GPHN: variants seen among roughly 807,000 people sequenced by gnomAD.
GPHN encodes gephyrin.
In GPHN, 17 loss-of-function variants were observed where a neutral mutation model predicts 95.5. The observed-to-expected ratio is 0.18, with a 90% CI of 0.12 to 0.27. The LOEUF (loss-of-function observed/expected upper bound fraction) is 0.27, where lower values mean the gene tolerates loss of function less well. GPHN is among the 10% of genes least tolerant of loss of function. The pLI is 1.00. For synonymous variants in GPHN, 320 were observed against 322.5 expected, an observed-to-expected ratio of 0.99 and a Z score of 0.08; for missense variants, 660 against 978.1, an observed-to-expected ratio of 0.67 and a Z score of 4.34.
At chr14:67,428,014 C>T in the GPHN span, among the ~76,000 whole-genome samples, 7 of 151,880 alleles carry the variant, frequency 4.6e-5, no homozygotes, top group Non-Finnish European at 7.4e-5. Context: ...CTCTGCCTCC[C>T]GGGTTCAAGC....
At chr14:66,712,566 A>G (rs1595654386) in intron 2 of GPHN, among the ~76,000 whole-genome samples, 1 of 152,016 alleles carries the variant, frequency 6.6e-6, no homozygotes, top group Middle Eastern at 3.4e-3. Flanking sequence ...AATTGCAAAA[A>G]TTTTCTCCTG....
chr14:66,958,991 A>T (rs1158246137), intron 8 of GPHN, among the ~76,000 whole-genome samples: 1 of 151,964 alleles, frequency 6.6e-6, no homozygotes, highest in African/African-American at 2.4e-5. Flanking sequence ...ACTATTATTT[A>T]GTTATTGTGT....
chr14:67,210,779 G>A, the GPHN span, among the ~76,000 whole-genome samples: 5 of 152,144 alleles, frequency 3.3e-5, no homozygotes, highest in Admixed American at 6.5e-5. Context: ...TAGGGAGGCC[G>A]AGGGATGCAG....
At chr14:66,691,132 A>G (rs1038000392) in intron 2 of GPHN, among the ~76,000 whole-genome samples, 1 of 152,122 alleles carries the variant, frequency 6.6e-6, no homozygotes, top group Non-Finnish European at 1.5e-5. Context: ...AGTTGAGCCC[A>G]GTAATTTGAG....
In GPHN at chr14:66,739,877, TA is replaced by T. The variant is rs541413673; in HGVS notation, c.144-36579del. Among the ~76,000 whole-genome samples, 45 of 151,792 alleles carry T rather than the reference TA, an allele frequency of 3.0e-4. No individual in the cohort carries two copies. In the South Asian group the frequency reaches 8.7e-3, roughly 29 times the overall value. ...AAAATAAAACTAAAAAGCAAAAGCC[TA>T]AAAAAAATCAATAGGGAACAGCAAA... On this transcript the variant is annotated intron_variant, in intron 2 of 22. Transcript: ENST00000478722.
the GPHN span, chr14:67,411,898 GGGGGTT>G: frequency 2.2e-6 from 2 of 912,320 alleles, no homozygotes; most frequent in Non-Finnish European, 3.2e-6. Context: ...GTCCCACCAT[GGGGGTT>G]GGGGATGGGA....
the GPHN span, chr14:67,393,187 G>A: frequency 6.2e-7 from 1 of 1,613,968 alleles, no homozygotes; most frequent in Non-Finnish European, 8.5e-7. Flanking sequence ...CCTGCTCCAT[G>A]TTGGGGCTTG....
the GPHN span, among the ~76,000 whole-genome samples, chr14:67,666,669 C>T: frequency 6.6e-6 from 1 of 152,158 alleles, no homozygotes; most frequent in East Asian, 1.9e-4. Context: ...CTAGGATGTA[C>T]CTCAGCGATC....
At chr14:66,572,945 T>C (rs1240534779) in intron 1 of GPHN, among the ~76,000 whole-genome samples, 1 of 152,220 alleles carries the variant, frequency 6.6e-6, no homozygotes, top group East Asian at 1.9e-4. Flanking sequence ...TAACGCATTG[T>C]TTTATTTTCC....
intron 5 of GPHN, among the ~76,000 whole-genome samples, chr14:66,881,642 T>A (rs950566483): frequency 1.3e-5 from 2 of 151,916 alleles, no homozygotes; most frequent in Non-Finnish European, 2.9e-5. Flanking sequence ...AGATAATTCT[T>A]CAAATTGAAT....
the GPHN span, chr14:67,571,888 G>A: frequency 2.3e-5 from 37 of 1,610,228 alleles, no homozygotes; most frequent in South Asian, 2.5e-4. Context: ...GGCAGCCCCC[G>A]GGCCATCAAG....
chr14:66,686,626 C>G (rs189546407), intron 2 of GPHN, among the ~76,000 whole-genome samples: 1 of 152,022 alleles, frequency 6.6e-6, no homozygotes, highest in East Asian at 1.9e-4. Context: ...GCTGAATTTG[C>G]TTACCAGCTT....
intron 21 of GPHN, among the ~76,000 whole-genome samples, chr14:67,172,977 G>A (rs146307514): frequency 0.012 from 1,839 of 152,204 alleles, 19 homozygotes; most frequent in Non-Finnish European, 0.018. Context: ...AGCCCCAAAC[G>A]TCCAGGGGCA....
intron 1 of GPHN, among the ~76,000 whole-genome samples, chr14:66,582,065 A>G (rs982515066): frequency 1.3e-5 from 2 of 152,060 alleles, no homozygotes; most frequent in Non-Finnish European, 2.9e-5. Context: ...CCTTCTATCC[A>G]ACAGTAGCAG....
At chr14:66,545,957 G>A (rs183809391) in intron 1 of GPHN, among the ~76,000 whole-genome samples, 8,764 of 148,106 alleles carry the variant, frequency 0.059, 349 homozygotes, top group Middle Eastern at 0.11. Flanking sequence ...GGGCGGTGAC[G>A]CTCCTCACTT....
At chr14:67,260,024 G>A in the GPHN span, among the ~76,000 whole-genome samples, 1 of 152,084 alleles carries the variant, frequency 6.6e-6, no homozygotes, top group African/African-American at 2.4e-5. Flanking sequence ...CCAGGAGAGA[G>A]ATTTAAACAG....
intron 1 of GPHN, among the ~76,000 whole-genome samples, chr14:66,531,905 T>C (rs2058957941): frequency 6.6e-6 from 1 of 152,228 alleles, no homozygotes; most frequent in Non-Finnish European, 1.5e-5. Flanking sequence ...TTGTGAGCTG[T>C]ATATGATTTC....
intron 14 of GPHN, among the ~76,000 whole-genome samples, 173 bp from the exon 15 acceptor site, chr14:67,111,688 T>G (rs1455398596): frequency 6.6e-6 from 1 of 152,136 alleles, no homozygotes; most frequent in Admixed American, 6.6e-5. Flanking sequence ...ACCTTCTAAT[T>G]TTTCAGGAAC....
chr14:67,302,422 C>T, the GPHN span: 10 of 1,586,708 alleles, frequency 6.3e-6, no homozygotes, highest in African/African-American at 2.7e-5. Context: ...TGCTACAGTT[C>T]GTAATGAAAT....
Sources: gnomAD v4.1 joint callset for allele counts (sites outside exome capture counted in the v4.1 genomes callset) on GRCh38, gnomAD v4.1.1 for gene constraint, MANE v1.5 for transcripts, NCBI Gene and HGNC (gene_info 2026-07-23, HGNC 2026-07-21) for gene names.